Variants in AGAP9 observed in about 807,000 individuals in gnomAD.
The protein encoded by AGAP9 is ArfGAP with GTPase domain, ankyrin repeat and PH domain 9.
Under a neutral mutation model 55.6 loss-of-function variants are expected in AGAP9, and 23 were observed. That is an observed-to-expected ratio of 0.41 (90% CI 0.30 to 0.59). The LOEUF is 0.59. Ranked by LOEUF, AGAP9 falls within the 20% of genes least tolerant of loss-of-function variation. The probability of loss-of-function intolerance (pLI) is 0.25; values close to 1 mark genes in which losing one functional copy is unlikely to be tolerated. For missense variants in AGAP9, 309 were observed against 808.1 expected (o/e 0.38, Z 7.49); for synonymous variants, 120 against 305.0 (o/e 0.39, Z 6.32).
At chr10:47,510,935 A>AATTT (rs1174596618) in intron 4 of AGAP9, among the ~76,000 whole-genome samples, 2,292 of 113,432 alleles carry the variant, frequency 0.02, 199 homozygotes, top group South Asian at 0.032. Flanking sequence ...TTAATTAATT[A>AATTT]ATTTATTTAT....
intron 5 of AGAP9, among the ~76,000 whole-genome samples, chr10:47,508,070 T>A (rs1314660765): frequency 7.5e-6 from 1 of 133,998 alleles, no homozygotes; most frequent in Non-Finnish European, 1.6e-5. Flanking sequence ...AATTTTTTTT[T>A]TGGGGGGGTG....
chr10:47,506,421 C>T (rs1840478505), intron 6 of AGAP9, among the ~76,000 whole-genome samples: 1 of 138,690 alleles, frequency 7.2e-6, no homozygotes, highest in African/African-American at 2.7e-5. Context: ...ACCTCCACCT[C>T]CCAGGCTCAA....
In AGAP9 at chr10:47,502,090, G is replaced by A. The variant is rs1431774134; in HGVS notation, c.*62C>T. On this transcript the variant is annotated 3_prime_UTR_variant, in exon 8 of 8. Transcript: ENST00000452145. ...AAAACAGATACTACACGCACTCGTC[G>A]GGGCAGCCGTACTGCAGAAGCACGT... The A allele has an allele frequency of 2.7e-3, 4,298 of 1,567,890 alleles. 183 individuals are homozygous for A. In the African/African-American group the frequency reaches 0.046, roughly 17 times the overall value.
intron 7 of AGAP9, among the ~76,000 whole-genome samples, chr10:47,503,936 TCAAAAAAA>T (rs1295006079): frequency 7.7e-5 from 1 of 12,912 alleles, no homozygotes; most frequent in Non-Finnish European, 1.2e-4. Flanking sequence ...AGAGAGTCCA[TCAAAAAAA>T]AAAAAAAAAA....
chr10:47,502,951 G>C lies in AGAP9; in HGVS notation c.1178C>G (p.Pro393Arg), dbSNP rs1840385758. Residue 393 changes from proline to arginine, a missense_variant, in exon 8 of 8, where the codon CCC (proline) becomes CGC (arginine). Pro to Arg is a moderately radical substitution (Grantham distance 103). Coordinates refer to ENST00000452145, the MANE Select transcript of AGAP9 (RefSeq NM_001190810.1). ...TTTCTTTTTATTGGCATGAGGAGAG[G>C]GGGGCGGGTTGAGCTTGGGGCTGGT... Reference protein sequence around the residue: ...STTSPKLNPPPSPHANKKKHL... With the variant: ...STTSPKLNPPRSPHANKKKHL... 5 of 1,594,498 alleles carry C rather than the reference G, an allele frequency of 3.1e-6. No individual in the cohort carries two copies. Among genetic ancestry groups the C allele is most frequent in the African/African-American group, 1.5e-5 (1 of 68,754 alleles).
chr10:47,513,661 A>G lies in AGAP9; in HGVS notation c.397-3390T>C, dbSNP rs1353665501. Among the ~76,000 whole-genome samples, 8 of 140,550 alleles carry G rather than the reference A, an allele frequency of 5.7e-5. 2 individuals are homozygous for G. In the East Asian group the frequency reaches 1.8e-3, roughly 31 times the overall value. The allele number at this position is 140,550 out of a possible 152,430, so 92.2% of individuals were successfully genotyped here. A position where few individuals can be genotyped will look rare whatever the true frequency, so the allele number is the denominator to read the frequency against. On this transcript the variant is annotated intron_variant, in intron 4 of 7. Transcript: ENST00000452145. ...ATACTATAAGGCCATAGTCGCCAAA[A>G]TAGCACGGTACTGATATAAAAATAG...
chr10:47,519,148 C>T lies in AGAP9; in HGVS notation c.362-1291G>A, dbSNP rs1424802558. Among the ~76,000 whole-genome samples, 6 of 137,228 alleles carry T rather than the reference C, an allele frequency of 4.4e-5. 2 individuals carry two copies. Among genetic ancestry groups the T allele is most frequent in the Admixed American group, 3.0e-4 (4 of 13,550 alleles). 90.0% of individuals were successfully genotyped at this position (137,228 alleles called of 152,430 possible). The stretch of plus-strand genomic sequence containing the variant: ...TTGGTCCCATCCCCATGGTAATAAG[C>T]AAATTCTCATTATGGTAATTTAAAA... On this transcript the variant is annotated intron_variant, in intron 3 of 7. Transcript: ENST00000452145.
At position 47,509,733 on chromosome 10, in the gene AGAP9, G is replaced by GAGGT. The variant is rs1457197069; in HGVS notation, c.497+434_497+437dup. ...CTCAAAGCGCATCTTTGTGGCCCAC[G>GAGGT]AGGTGCTCATGCACAATGGGAGAAA... On this transcript the variant is annotated intron_variant, in intron 5 of 7. Coordinates refer to ENST00000452145, the MANE Select transcript of AGAP9 (RefSeq NM_001190810.1). Among the ~76,000 whole-genome samples the GAGGT allele has an allele frequency of 1.4e-5, 2 of 141,696 alleles. 1 individual carries two copies. Among genetic ancestry groups the GAGGT allele is most frequent in the Non-Finnish European group, 3.1e-5 (2 of 65,334 alleles). The allele number at this position is 141,696 out of a possible 152,430, so 93.0% of individuals were successfully genotyped here.
intron 5 of AGAP9, among the ~76,000 whole-genome samples, 191 bp downstream of exon 5, chr10:47,509,980 T>C (rs1444576919): frequency 7.0e-6 from 1 of 142,542 alleles, no homozygotes; most frequent in East Asian, 2.8e-4. Flanking sequence ...GTTTGCTTCT[T>C]TGCTAACTGA....
Position 47,510,052 on chromosome 10 carries a change from T to C in AGAP9, c.497+119A>G, listed in dbSNP as rs1305789951. Reference sequence around the variant, plus strand: ...AAACTGATACTTAATATTCAGAATCTGAATATCAATATATGGTTGACTCCA... The same window carrying C: ...AAACTGATACTTAATATTCAGAATCCGAATATCAATATATGGTTGACTCCA... On this transcript the variant is annotated intron_variant, in intron 5 of 7. Coordinates refer to ENST00000452145, the MANE Select transcript of AGAP9 (RefSeq NM_001190810.1). 2.3e-5 allele frequency: 34 copies of C among 1,498,148 alleles called. 2 individuals carry two copies. The highest frequency in any genetic ancestry group is 2.8e-5 in the Non-Finnish European group (32 of 1,124,340). 92.8% of individuals were successfully genotyped at this position (1,498,148 alleles called of 1,614,324 possible).
At chr10:47,522,294 G>A (rs1840864117) in intron 2 of AGAP9, among the ~76,000 whole-genome samples, 1 of 145,584 alleles carries the variant, frequency 6.9e-6, no homozygotes, top group South Asian at 2.2e-4. Flanking sequence ...TTTAGAACAA[G>A]GAGGTAAATA....
At chr10:47,514,350 G>A (rs1425507553) in intron 4 of AGAP9, among the ~76,000 whole-genome samples, 1 of 149,330 alleles carries the variant, frequency 6.7e-6, no homozygotes, top group African/African-American at 2.5e-5. Flanking sequence ...ATTATTCTAA[G>A]TGAAATAACT....
rs1181112429 is a variant in AGAP9, at chr10:47,516,630, A to G, written c.396+1193T>C. On this transcript the variant is annotated intron_variant, in intron 4 of 7. Coordinates refer to ENST00000452145, the MANE Select transcript of AGAP9 (RefSeq NM_001190810.1). The stretch of plus-strand genomic sequence containing the variant: ...AAGACTTTAAGGAGTTAGCCCAGAA[A>G]AGCAGACATTGAGCATATCTAGGGA... 1.4e-5 allele frequency among the ~76,000 whole-genome samples: 2 copies of G among 138,236 alleles called. 1 individual carries two copies. Among genetic ancestry groups the G allele is most frequent in the Non-Finnish European group, 3.1e-5 (2 of 65,192 alleles). The allele number at this position is 138,236 out of a possible 152,430, so 90.7% of individuals were successfully genotyped here.
At chr10:47,515,498 A>G (rs1309374751) in intron 4 of AGAP9, among the ~76,000 whole-genome samples, 1 of 38,852 alleles carries the variant, frequency 2.6e-5, no homozygotes, top group African/African-American at 1.1e-4. Flanking sequence ...GTAAAATGTA[A>G]AAAAAAAAAG....
intron 3 of AGAP9, among the ~76,000 whole-genome samples, chr10:47,519,549 G>T (rs1235686415): frequency 4.2e-4 from 39 of 92,492 alleles, no homozygotes; most frequent in Non-Finnish European, 4.2e-5. Context: ...CTTCCCCTTT[G>T]CCTTTTATCA....
At position 47,516,708 on chromosome 10, in the gene AGAP9, C is replaced by T. The variant is rs1480673314; in HGVS notation, c.396+1115G>A. Among the ~76,000 whole-genome samples the T allele has an allele frequency of 1.6e-4, 22 of 133,724 alleles. 1 individual carries two copies. Among genetic ancestry groups the T allele is most frequent in the African/African-American group, 5.8e-4 (19 of 32,790 alleles). 87.7% of individuals were successfully genotyped at this position (133,724 alleles called of 152,430 possible). A position where few individuals can be genotyped will look rare whatever the true frequency, so the allele number is the denominator to read the frequency against. ...CAAAAGGCCAAAGAAAGTTGCCCCC[C>T]ACACACACATAAAAAGGAACAGATG... On this transcript the variant is annotated intron_variant, in intron 4 of 7. Transcript: ENST00000452145.
chr10:47,511,007 G>A (rs1840609613), intron 4 of AGAP9, among the ~76,000 whole-genome samples: 1 of 127,204 alleles, frequency 7.9e-6, no homozygotes, highest in Admixed American at 8.1e-5. Context: ...GCAGTGGCGC[G>A]ATCTCGGCTC....
At position 47,507,074 on chromosome 10, in the gene AGAP9, G is replaced by GT. The variant is rs1338806944; in HGVS notation, c.533+473dup. On this transcript the variant is annotated intron_variant, in intron 6 of 7. Transcript: ENST00000452145. The stretch of plus-strand genomic sequence containing the variant: ...TTACTCAACTTTTTGTTGTAGAAAA[G>GT]TTTTTTTTCAATGAAAAACTTCTGT... Among the ~76,000 whole-genome samples the GT allele has an allele frequency of 2.2e-5, 3 of 134,280 alleles. 1 individual carries two copies. Among genetic ancestry groups the GT allele is most frequent in the Non-Finnish European group, 4.8e-5 (3 of 62,848 alleles). 88.1% of individuals were successfully genotyped at this position (134,280 alleles called of 152,430 possible).
intron 3 of AGAP9, among the ~76,000 whole-genome samples, chr10:47,519,147 G>A (rs1840770418): frequency 7.3e-6 from 1 of 137,176 alleles, no homozygotes; most frequent in Non-Finnish European, 1.5e-5. Context: ...ATGGTAATAA[G>A]CAAATTCTCA....
Sources: allele counts gnomAD v4.1 joint callset (sites outside exome capture counted in the v4.1 genomes callset), GRCh38; gene constraint gnomAD v4.1.1; transcripts MANE v1.5; gene names NCBI Gene and HGNC (gene_info 2026-07-23, HGNC 2026-07-21).